The following DCT variants were observed in gnomAD, a reference collection of about 807,000 sequenced individuals.
DCT encodes L-dopachrome tautomerase.
A neutral mutation model predicts 53.0 loss-of-function variants in DCT; 47 were observed. The observed-to-expected ratio is 0.89, with a 90% CI of 0.70 to 1.13. The LOEUF (loss-of-function observed/expected upper bound fraction) is 1.13. DCT is among the 50% of genes most tolerant of loss of function. The pLI is 0.00. For missense variants in DCT, 669 were observed against 637.4 expected, an observed-to-expected ratio of 1.05 and a Z score of -0.53; for synonymous variants, 244 against 237.0, an observed-to-expected ratio of 1.03 and a Z score of -0.27.
chr13:94,497,207 AG>A, the DCT span, among the ~76,000 whole-genome samples: 1 of 152,188 alleles, frequency 6.6e-6, no homozygotes, highest in African/African-American at 2.4e-5. Flanking sequence ...AATAGATCAA[AG>A]AATGACCTCC....
At chr13:94,512,958 A>G in the DCT span, among the ~76,000 whole-genome samples, 419 of 152,370 alleles carry the variant, frequency 2.7e-3, no homozygotes, top group Middle Eastern at 6.8e-3. Context: ...AATATACAGA[A>G]GGTAGAAAGA....
intron 1 of DCT, among the ~76,000 whole-genome samples, chr13:94,477,203 C>A (rs987622079): frequency 2.0e-5 from 3 of 152,140 alleles, no homozygotes; most frequent in African/African-American, 7.2e-5. Context: ...TCAAGAGATT[C>A]TCCTGTCTCA....
intron 7 of DCT, among the ~76,000 whole-genome samples, chr13:94,442,183 G>A (rs922980269): frequency 6.6e-6 from 1 of 152,190 alleles, no homozygotes; most frequent in Non-Finnish European, 1.5e-5. Context: ...GAAAGACTCA[G>A]GTCAAAGAGA....
chr13:94,490,127 A>G, the DCT span, among the ~76,000 whole-genome samples: 4 of 152,214 alleles, frequency 2.6e-5, no homozygotes, highest in African/African-American at 9.6e-5. Flanking sequence ...CATTAAAAAT[A>G]AGGAAAAATC....
Position 94,479,545 on chromosome 13 carries a change from C to T in DCT, c.-290G>A. ...ATTTAATGAGGGTAGCGCTTCTCAC[C>T]ATCTTCCCCCGTTAAGTCAGGCTTT... On this transcript the variant is annotated 5_prime_UTR_variant, in exon 1 of 8. It removes an upstream start codon present in the reference 5' UTR. Transcript: ENST00000377028. 1 of 305,868 alleles carries T rather than the reference C, an allele frequency of 3.3e-6. No homozygotes were observed. Among genetic ancestry groups the T allele is most frequent in the Admixed American group, 4.6e-5 (1 of 21,976 alleles). 18.9% of individuals were successfully genotyped at this position (305,868 alleles called of 1,614,324 possible).
At chr13:94,519,856 A>G in the DCT span, among the ~76,000 whole-genome samples, 1 of 152,300 alleles carries the variant, frequency 6.6e-6, no homozygotes, top group African/African-American at 2.4e-5. Flanking sequence ...GGCTTGAGAC[A>G]TGTCCATTAT....
At chr13:94,544,464 C>T in the DCT span, among the ~76,000 whole-genome samples, 1 of 152,174 alleles carries the variant, frequency 6.6e-6, no homozygotes, top group African/African-American at 2.4e-5. Context: ...ATTATAGGAA[C>T]ACTGGAATTT....
At position 94,440,063 on chromosome 13, in the gene DCT, T is replaced by C. The variant is rs201504610; in HGVS notation, c.1395A>G (p.Glu465=). 2.5e-5 allele frequency: 41 copies of C among 1,613,508 alleles called. No individual in the cohort carries two copies. Among genetic ancestry groups the C allele is most frequent in the Non-Finnish European group, 3.3e-5 (39 of 1,179,786 alleles). ...AGAGAGTTGTGGGCCAACCTGGAGT[T>C]TCTTCAACTGAAACTAAAGCAGAAG... ...YAIDLPVSVE[E]TPGWPTTLLV... Residue 465 remains glutamate (E), a synonymous_variant, in exon 8 of 8, where the codon GAA becomes GAG. Coordinates refer to ENST00000377028, the MANE Select transcript of DCT (RefSeq NM_001922.5).
At chr13:94,542,754 G>C in the DCT span, among the ~76,000 whole-genome samples, 1 of 152,160 alleles carries the variant, frequency 6.6e-6, no homozygotes, top group Non-Finnish European at 1.5e-5. Flanking sequence ...TAATTTACTT[G>C]CATGAAAGTT....
At chr13:94,513,941 C>T in the DCT span, among the ~76,000 whole-genome samples, 147 of 134,938 alleles carry the variant, frequency 1.1e-3, no homozygotes, top group Middle Eastern at 4.6e-3. Context: ...AAGCCAAGAT[C>T]GTGCCATTGC....
the DCT span, among the ~76,000 whole-genome samples, chr13:94,500,260 A>G: frequency 6.6e-6 from 1 of 152,208 alleles, no homozygotes; most frequent in Non-Finnish European, 1.5e-5. Flanking sequence ...AAAGAAAAAG[A>G]GGTTTAATGG....
At chr13:94,511,052 A>G in the DCT span, among the ~76,000 whole-genome samples, 1 of 152,234 alleles carries the variant, frequency 6.6e-6, no homozygotes, top group African/African-American at 2.4e-5. Context: ...GTAGACACCT[A>G]GCAAGAGATG....
the DCT span, among the ~76,000 whole-genome samples, chr13:94,537,603 T>C: frequency 6.6e-6 from 1 of 152,200 alleles, no homozygotes; most frequent in African/African-American, 2.4e-5. Context: ...TAGAGCCTTT[T>C]TTATTGCTTT....
rs1262692175 is a variant in DCT at position 94,443,636 on chromosome 13, A to C, written c.1181T>G (p.Val394Gly). 1 of 1,612,474 alleles carries C rather than the reference A, an allele frequency of 6.2e-7. No homozygotes were observed. Among genetic ancestry groups the C allele is most frequent in the Admixed American group, 1.7e-5 (1 of 60,002 alleles). ...HSAANDPIFV[V>G]LHSFTDAIFD... ...GATGGCATCAGTAAAGGAATGAAGA[A>C]CCTGCAAAACAGTTGGACACAGCAT... Residue 394 changes from valine to glycine, a missense_variant and splice_region_variant, in exon 7 of 8, where the codon GTT becomes GGT. By Grantham distance (109) the Val-to-Gly change is moderately radical. Coordinates refer to ENST00000377028, the MANE Select transcript of DCT (RefSeq NM_001922.5).
chr13:94,479,165 T>TCAC lies in DCT; in HGVS notation c.90_91insGTG (p.Met30_Thr31insVal), dbSNP rs763795155. The stretch of plus-strand genomic sequence containing the variant: ...TCCTTGTTCACTAGGCTGTCCACCG[T>TCAC]CATGCAGACTCGGGGGAACTGACCC... On this transcript the variant is annotated inframe_insertion, in exon 1 of 8. Transcript: ENST00000377028. 6.2e-7 allele frequency: 1 copy of TCAC among 1,613,750 alleles called. No homozygotes were observed. The highest frequency in any genetic ancestry group is 2.2e-5 in the East Asian group (1 of 44,852).
rs772222841 is a variant in DCT, at chr13:94,465,643, CA to C, written c.852del (p.Val285SerfsTer23). 8.7e-6 allele frequency: 14 copies of C among 1,613,244 alleles called. No homozygotes were observed. Among genetic ancestry groups the C allele is most frequent in the Non-Finnish European group, 1.0e-5 (12 of 1,179,626 alleles). Reference sequence around the variant, plus strand: ...TACAGGAGCCATTACCTATCACAGACAGTTTCCCAGCTGGAGAATCTTGAGT... The same window carrying C: ...TACAGGAGCCATTACCTATCACAGACGTTTCCCAGCTGGAGAATCTTGAGT... ...SRNSRFSSWE[T>X]VCDSLDDYNH... is the part of the protein sequence containing the mutation. On this transcript the variant is annotated frameshift_variant, in exon 4 of 8. Transcript: ENST00000377028. LOFTEE classifies it high-confidence loss of function.
intron 7 of DCT, among the ~76,000 whole-genome samples, chr13:94,441,543 T>TA (rs1882314022): frequency 6.6e-6 from 1 of 152,112 alleles, no homozygotes; most frequent in Non-Finnish European, 1.5e-5. Context: ...CAACCCCTGG[T>TA]AACCAGGGGT....
At chr13:94,521,756 T>C in the DCT span, among the ~76,000 whole-genome samples, 4 of 152,362 alleles carry the variant, frequency 2.6e-5, no homozygotes, top group Non-Finnish European at 5.9e-5. Flanking sequence ...TTTATTAAGA[T>C]ATAATTCACA....
chr13:94,468,333 C>T (rs1884367137), intron 2 of DCT: 1 of 181,586 alleles, frequency 5.5e-6, no homozygotes, highest in African/African-American at 2.4e-5. Flanking sequence ...CACAAAGAAG[C>T]TTCATGTGCC....
Sources: allele counts gnomAD v4.1 joint callset (sites outside exome capture counted in the v4.1 genomes callset), GRCh38; gene constraint gnomAD v4.1.1; transcripts MANE v1.5; gene names NCBI Gene and HGNC (gene_info 2026-07-23, HGNC 2026-07-21).